LGALS12: variants seen among roughly 807,000 people sequenced by gnomAD.
LGALS12 encodes the protein galectin-12.
In LGALS12, 36 loss-of-function variants were observed where a neutral mutation model predicts 36.8. The ratio of observed to expected loss-of-function variants is 0.98; its 90% CI spans 0.75 to 1.29. The LOEUF (loss-of-function observed/expected upper bound fraction) is 1.29. LGALS12 is among the 50% of genes most tolerant of loss of function. LGALS12 has a pLI of 0.00. For missense variants in LGALS12, 366 were observed against 394.3 expected (o/e 0.93, Z 0.61); for synonymous variants, 145 against 155.9 (o/e 0.93, Z 0.52).
chr11:63,514,246 CAAG>C (rs1259647500), intron 7 of LGALS12, among the ~76,000 whole-genome samples: 1 of 152,182 alleles, frequency 6.6e-6, no homozygotes, highest in East Asian at 1.9e-4. Flanking sequence ...CATAGCTCTT[CAAG>C]AAGGAAACTT....
At position 63,516,320 on chromosome 11, in the gene LGALS12, A is replaced by G; in HGVS notation, c.872A>G (p.Asn291Ser). The part of the protein sequence containing the change: ...NGQGLGATSM[N>S]QQALEQLREL... ...CAGGGGCTGGGGGCCACCAGCATGA[A>G]CCAGCAGGCCCTGGAGCAGCTGCGG... Residue 291 changes from asparagine to serine, a missense_variant, in exon 9 of 9, where the codon AAC (asparagine) becomes AGC (serine). Transcript: ENST00000394618. 1 of 1,613,236 alleles carries G rather than the reference A, an allele frequency of 6.2e-7. No individual in the cohort carries two copies. Among genetic ancestry groups the G allele is most frequent in the Admixed American group, 1.7e-5 (1 of 59,942 alleles).
intron 1 of LGALS12, 39 bp downstream of exon 1, chr11:63,506,566 G>C: frequency 6.2e-7 from 1 of 1,613,422 alleles, no homozygotes; most frequent in Non-Finnish European, 8.5e-7. Context: ...CTCGGTCTCT[G>C]GGCTCTTCCC....
chr11:63,515,717 G>C lies in LGALS12; in HGVS notation c.798+4G>C, dbSNP rs150634494. ...TTACCCCCAGAGATTCTTTGAGGTAGGTCAGAGCCAAATGATTACATCCCT... is the reference window on the plus strand; with the variant it reads ...TTACCCCCAGAGATTCTTTGAGGTACGTCAGAGCCAAATGATTACATCCCT... On this transcript the variant is annotated splice_donor_region_variant and intron_variant, in intron 8 of 8. Coordinates refer to ENST00000394618, the MANE Select transcript of LGALS12 (RefSeq NM_033101.4). 130 of 1,613,742 alleles carry C rather than the reference G, an allele frequency of 8.1e-5. No homozygotes were observed. Among genetic ancestry groups the C allele is most frequent in the South Asian group, 3.0e-4 (27 of 91,010 alleles).
In LGALS12 at chr11:63,509,565, C is replaced by T. The variant is rs1044542017; in HGVS notation, c.373-213C>T. Among the ~76,000 whole-genome samples the T allele has an allele frequency of 1.3e-4, 20 of 152,138 alleles. 4 individuals carry two copies. The highest frequency in any genetic ancestry group is 1.2e-3 in the Admixed American group (19 of 15,278). Reference sequence around the variant, plus strand: ...GGGGCCTCTGTTGGGGTAGAGGGAGCGTTGAAGGTGCCTTAGTCTCCAGGC... The same window carrying T: ...GGGGCCTCTGTTGGGGTAGAGGGAGTGTTGAAGGTGCCTTAGTCTCCAGGC... On this transcript the variant is annotated intron_variant, in intron 3 of 8. Coordinates refer to ENST00000394618, the MANE Select transcript of LGALS12 (RefSeq NM_033101.4).
chr11:63,512,088 C>A (rs2016943539), intron 7 of LGALS12, among the ~76,000 whole-genome samples: 1 of 152,320 alleles, frequency 6.6e-6, no homozygotes, highest in East Asian at 1.9e-4. Flanking sequence ...TCAGGCCTAG[C>A]CTCTTGTCCC....
chr11:63,516,166 G>A, intron 8 of LGALS12, 81 bp from the exon 9 acceptor site: 2 of 1,480,490 alleles, frequency 1.4e-6, no homozygotes, highest in Non-Finnish European at 9.0e-7. Flanking sequence ...GAGAGGAGGA[G>A]GGTCTCACTG....
At chr11:63,514,688 T>C (rs916089038) in intron 7 of LGALS12, among the ~76,000 whole-genome samples, 7 of 151,926 alleles carry the variant, frequency 4.6e-5, no homozygotes, top group Admixed American at 4.6e-4. Context: ...CATCCTAACC[T>C]AAGGCCCTAC....
At chr11:63,507,456 C>T (rs923054209) in intron 1 of LGALS12, among the ~76,000 whole-genome samples, 1 of 152,106 alleles carries the variant, frequency 6.6e-6, no homozygotes, top group Admixed American at 6.5e-5. Context: ...TCAGGTGAGG[C>T]ACTGAGCCTA....
At chr11:63,509,020 C>G (rs1278646367) in intron 3 of LGALS12, 29 bp downstream of exon 3, 9 of 1,574,496 alleles carry the variant, frequency 5.7e-6, no homozygotes, top group Non-Finnish European at 7.9e-6. Flanking sequence ...ATTGGGTGGT[C>G]TAGAATTTGT....
chr11:63,514,382 C>T (rs2017017010), intron 7 of LGALS12, among the ~76,000 whole-genome samples: 1 of 152,092 alleles, frequency 6.6e-6, no homozygotes, highest in Admixed American at 6.5e-5. Flanking sequence ...CCACCCTGGC[C>T]AACATAGTGA....
At chr11:63,515,923 A>C (rs2017067875) in intron 8 of LGALS12, among the ~76,000 whole-genome samples, 1 of 126,748 alleles carries the variant, frequency 7.9e-6, no homozygotes, top group Non-Finnish European at 1.5e-5. Context: ...CAATTGATGC[A>C]GGTGGGGGGG....
chr11:63,508,867 C>T lies in LGALS12; in HGVS notation c.248C>T (p.Pro83Leu), dbSNP rs148935588. Residue 83 changes from proline (P) to leucine (L), a missense_variant, in exon 3 of 9, where the codon CCC becomes CTC. Transcript: ENST00000394618. ...HFNPRFHTTK[P>L]HVICNTLHGG... The stretch of plus-strand genomic sequence containing the variant: ...AACCCTCGCTTCCATACCACCAAGC[C>T]CCATGTCATCTGCAACACCCTGCAT... 86 of 1,614,136 alleles carry T rather than the reference C, an allele frequency of 5.3e-5. No homozygotes were observed. Among genetic ancestry groups the T allele is most frequent in the Admixed American group, 1.0e-4 (6 of 60,012 alleles).
At position 63,516,485 on chromosome 11, in the gene LGALS12, C is replaced by A; in HGVS notation, c.*92C>A. The A allele has an allele frequency of 6.9e-7, 1 of 1,440,904 alleles. No individual in the cohort carries two copies. Among genetic ancestry groups the A allele is most frequent in the Non-Finnish European group, 9.6e-7 (1 of 1,037,742 alleles). 89.3% of individuals were successfully genotyped at this position (1,440,904 alleles called of 1,614,324 possible). On this transcript the variant is annotated 3_prime_UTR_variant, in exon 9 of 9. Transcript: ENST00000394618. The stretch of plus-strand genomic sequence containing the variant: ...TCCCCTCATTAAACCATCCACCTGA[C>A]ACCAGCACATCAGGCCTGGTTCACC...
Position 63,516,690 on chromosome 11 carries a change from A to G in LGALS12, c.*297A>G, listed in dbSNP as rs1206325261. ...GTTGTAGACTAACAAAGATACTCCA[A>G]AATACAATGGCTTAAAGAATGTGGT... On this transcript the variant is annotated 3_prime_UTR_variant, in exon 9 of 9. Transcript: ENST00000394618. 5.2e-6 allele frequency: 2 copies of G among 383,124 alleles called. No individual in the cohort carries two copies. Among genetic ancestry groups the G allele is most frequent in the Non-Finnish European group, 9.4e-6 (2 of 212,790 alleles). 23.7% of individuals were successfully genotyped at this position (383,124 alleles called of 1,614,324 possible). A position where few individuals can be genotyped will look rare whatever the true frequency, so the allele number is the denominator to read the frequency against.
At chr11:63,513,830 T>C (rs1264887129) in intron 7 of LGALS12, among the ~76,000 whole-genome samples, 4 of 152,158 alleles carry the variant, frequency 2.6e-5, no homozygotes, top group Non-Finnish European at 5.9e-5. Flanking sequence ...AGAGCTTCAC[T>C]GGGCATCTGG....
At chr11:63,512,641 T>G (rs1440587961) in intron 7 of LGALS12, among the ~76,000 whole-genome samples, 5 of 151,836 alleles carry the variant, frequency 3.3e-5, no homozygotes, top group Non-Finnish European at 7.4e-5. Context: ...ATAGAAAAAT[T>G]AGCCGGGCAT....
rs2134341107 is a variant in LGALS12, at chr11:63,516,455, T to A, written c.*62T>A. The A allele has an allele frequency of 6.3e-7, 1 of 1,582,816 alleles. No homozygotes were observed. Among genetic ancestry groups the A allele is most frequent in the East Asian group, 2.2e-5 (1 of 44,664 alleles). On this transcript the variant is annotated 3_prime_UTR_variant, in exon 9 of 9. Transcript: ENST00000394618. ...GGTCAGCCCACTCCCAGGGCCCCAC[T>A]CTCCTCCCCTCATTAAACCATCCAC...
At position 63,516,385 on chromosome 11, in the gene LGALS12, C is replaced by G; in HGVS notation, c.937C>G (p.His313Asp). 6.2e-7 allele frequency: 1 copy of G among 1,613,946 alleles called. No homozygotes were observed. The highest frequency in any genetic ancestry group is 1.3e-5 in the African/African-American group (1 of 75,034). The change falls in exon 9 of 9, where the codon CAC (histidine) becomes GAC (aspartate). Residue 313 changes from histidine (H) to aspartate (D), a missense_variant. By Grantham distance (81) the His-to-Asp change is moderately conservative. Coordinates refer to ENST00000394618, the MANE Select transcript of LGALS12 (RefSeq NM_033101.4). ...ISGSVQLYCV[H>D]S Reference sequence around the variant, plus strand: ...TGGAAGTGTCCAGCTCTACTGTGTCCACTCCTGAGGATGGTTCCAGGGAAA... The same window carrying G: ...TGGAAGTGTCCAGCTCTACTGTGTCGACTCCTGAGGATGGTTCCAGGGAAA...
chr11:63,510,940 C>A, intron 5 of LGALS12, 139 bp from the exon 6 acceptor site: 1 of 787,902 alleles, frequency 1.3e-6, no homozygotes, highest in Non-Finnish European at 2.2e-6. Flanking sequence ...CAGAGGATCC[C>A]ACTGGGGCTC....
Sources: allele counts gnomAD v4.1 joint callset (sites outside exome capture counted in the v4.1 genomes callset), GRCh38; gene constraint gnomAD v4.1.1; transcripts MANE v1.5; gene names NCBI Gene and HGNC (gene_info 2026-07-23, HGNC 2026-07-21).